Variants in CHEK2 observed in about 807,000 individuals in gnomAD.
The protein encoded by CHEK2 is serine/threonine-protein kinase Chk2.
A neutral mutation model predicts 69.1 loss-of-function variants in CHEK2; 71 were observed. The ratio of observed to expected loss-of-function variants is 1.03; its 90% CI spans 0.85 to 1.25. The LOEUF (loss-of-function observed/expected upper bound fraction) is 1.25, where lower values mean the gene tolerates loss of function less well. Ranked by LOEUF, CHEK2 falls within the 50% of genes most tolerant of loss-of-function variation. The pLI is 0.00. For synonymous variants in CHEK2, 189 were observed against 226.9 expected (o/e 0.83, Z 1.50); for missense variants, 664 against 649.6 (o/e 1.02, Z -0.24).
At chr22:28,708,363 A>ATGTGTGTGGG (rs2053241514) in intron 7 of CHEK2, among the ~76,000 whole-genome samples, 2 of 139,768 alleles carry the variant, frequency 1.4e-5, no homozygotes, top group Admixed American at 1.5e-4. Flanking sequence ...CTCTAAAAAT[A>ATGTGTGTGGG]TGTGTGTGTG....
In CHEK2 at chr22:28,699,882, C is replaced by G. The variant is rs2145843089; in HGVS notation, c.964G>C (p.Ala322Pro). 6.2e-7 allele frequency: 1 copy of G among 1,614,096 alleles called. No homozygotes were observed. Among genetic ancestry groups the G allele is most frequent in the African/African-American group, 1.3e-5 (1 of 75,042 alleles). Residue 322 changes from alanine to proline, a missense_variant, in exon 9 of 15, where the codon GCT (alanine) becomes CCT (proline). By Grantham distance (27) the Ala-to-Pro change is conservative. Transcript: ENST00000404276. ...TGGTAAAAATAGAGCTTGCAGGTAG[C>G]TTCTTTCAGGCGTTTATTCCCCACC... Reference protein sequence around the residue: ...KVVGNKRLKEATCKLYFYQML... With the variant: ...KVVGNKRLKEPTCKLYFYQML...
chr22:28,721,526 A>C (rs2053782188), intron 4 of CHEK2: 3 of 412,370 alleles, frequency 7.3e-6, no homozygotes, highest in South Asian at 5.3e-5. Context: ...ACCTCAGGTG[A>C]TCTGCCAGCC....
intron 5 of CHEK2, among the ~76,000 whole-genome samples, chr22:28,712,896 C>T (rs1325264118): frequency 2.0e-5 from 3 of 152,184 alleles, no homozygotes; most frequent in African/African-American, 7.2e-5. Flanking sequence ...CTACAACCAT[C>T]AGCATCTAAT....
chr22:28,721,210 A>G (rs1019536535), intron 4 of CHEK2, among the ~76,000 whole-genome samples: 1 of 151,794 alleles, frequency 6.6e-6, no homozygotes, highest in Non-Finnish European at 1.5e-5. Flanking sequence ...TAGAGAAAAC[A>G]GAGATTTATT....
chr22:28,712,953 G>A (rs1218941736), intron 5 of CHEK2, among the ~76,000 whole-genome samples: 2 of 152,136 alleles, frequency 1.3e-5, no homozygotes, highest in African/African-American at 4.8e-5. Context: ...TACCTGTTAA[G>A]CAATTAAGCA....
At chr22:28,710,280 C>G (rs1386718170) in intron 6 of CHEK2, among the ~76,000 whole-genome samples, 1 of 152,124 alleles carries the variant, frequency 6.6e-6, no homozygotes, top group East Asian at 1.9e-4. Context: ...TGGCCAGGCC[C>G]TGTGCCAAGC....
rs200869651 is a variant in CHEK2 at position 28,708,361 on chromosome 22, A to ATGTGTGTGTGTGTG, written c.846+1644_846+1645insCACACACACACACA. Among the ~76,000 whole-genome samples the ATGTGTGTGTGTGTG allele has an allele frequency of 6.4e-3, 671 of 104,406 alleles. 8 individuals carry two copies. Among genetic ancestry groups the ATGTGTGTGTGTGTG allele is most frequent in the South Asian group, 0.025 (89 of 3,526 alleles). 68.5% of individuals were successfully genotyped at this position (104,406 alleles called of 152,430 possible). ...TAACAGAGACAGACTGTCTCTAAAA[A>ATGTGTGTGTGTGTG]TATGTGTGTGTGTGTGTGTGTGTGT... On this transcript the variant is annotated intron_variant, in intron 7 of 14. Coordinates refer to ENST00000404276, the MANE Select transcript of CHEK2 (RefSeq NM_007194.4).
At chr22:28,716,458 A>C (rs1174892190) in intron 5 of CHEK2, among the ~76,000 whole-genome samples, 1 of 152,044 alleles carries the variant, frequency 6.6e-6, no homozygotes, top group Non-Finnish European at 1.5e-5. Context: ...CAGCCTCCCA[A>C]AGTGCTAGGA....
At chr22:28,700,538 C>T (rs1015319862) in intron 8 of CHEK2, among the ~76,000 whole-genome samples, 1 of 151,996 alleles carries the variant, frequency 6.6e-6, no homozygotes, top group African/African-American at 2.4e-5. Context: ...TTTTATCACA[C>T]ACCACAGATG....
intron 11 of CHEK2, among the ~76,000 whole-genome samples, chr22:28,695,454 C>T (rs375668299): frequency 1.3e-5 from 2 of 152,096 alleles, no homozygotes; most frequent in Non-Finnish European, 2.9e-5. Context: ...CCCAGGAGTT[C>T]GAGACCAGCC....
chr22:28,733,676 T>C lies in CHEK2; in HGVS notation c.319+727A>G, dbSNP rs543029675. Among the ~76,000 whole-genome samples, 4 of 152,230 alleles carry C rather than the reference T, an allele frequency of 2.6e-5. No homozygotes were observed. The East Asian group carries it at 7.7e-4, about 29-fold the overall frequency. On this transcript the variant is annotated intron_variant, in intron 2 of 14. Coordinates refer to ENST00000404276, the MANE Select transcript of CHEK2 (RefSeq NM_007194.4). ...GCTCATGCCTGTAATCCCAACACTTTGGGAGGCCGAAGCAGGAGGATCACT... is the reference window on the plus strand; with the variant it reads ...GCTCATGCCTGTAATCCCAACACTTCGGGAGGCCGAAGCAGGAGGATCACT...
intron 2 of CHEK2, chr22:28,730,391 A>G: frequency 1.8e-6 from 1 of 557,218 alleles, no homozygotes; most frequent in Non-Finnish European, 3.3e-6. Flanking sequence ...GAGAAAGGGA[A>G]AGGGAAAGAC....
intron 2 of CHEK2, among the ~76,000 whole-genome samples, chr22:28,734,002 G>C (rs1478714758): frequency 6.6e-6 from 1 of 151,856 alleles, no homozygotes; most frequent in Non-Finnish European, 1.5e-5. Context: ...GTCCATTCTA[G>C]GACCTTCATT....
chr22:28,700,830 C>T (rs550720395), intron 8 of CHEK2, among the ~76,000 whole-genome samples: 1 of 152,244 alleles, frequency 6.6e-6, no homozygotes, highest in African/African-American at 2.4e-5. Flanking sequence ...GCTCTTATTG[C>T]CCAGGCTGGA....
chr22:28,741,804 G>A lies in CHEK2; in HGVS notation c.-42C>T. On this transcript the variant is annotated 5_prime_UTR_variant, in exon 1 of 15. Coordinates refer to ENST00000404276, the MANE Select transcript of CHEK2 (RefSeq NM_007194.4). Reference sequence around the variant, plus strand: ...CACCTGGAGCCGCACACTCTCCGCAGCCTCAGCCAGCAGAGTGGCGCTAAA... The same window carrying A: ...CACCTGGAGCCGCACACTCTCCGCAACCTCAGCCAGCAGAGTGGCGCTAAA... The A allele has an allele frequency of 1.9e-6, 1 of 515,610 alleles. No homozygotes were observed. The highest frequency in any genetic ancestry group is 1.9e-5 in the African/African-American group (1 of 52,328). The allele number at this position is 515,610 out of a possible 1,614,324, so 31.9% of individuals were successfully genotyped here.
At chr22:28,740,201 A>C (rs2054516947) in intron 1 of CHEK2, among the ~76,000 whole-genome samples, 1 of 152,212 alleles carries the variant, frequency 6.6e-6, no homozygotes, top group South Asian at 2.1e-4. Context: ...CTCTGTCTCA[A>C]AAAAAACACT....
chr22:28,702,737 G>A (rs1351719381), intron 8 of CHEK2, among the ~76,000 whole-genome samples: 1 of 151,048 alleles, frequency 6.6e-6, no homozygotes. Flanking sequence ...AGTAGAGATG[G>A]GGTTTCATCA....
intron 9 of CHEK2, among the ~76,000 whole-genome samples, chr22:28,697,481 CTT>C: frequency 6.6e-6 from 1 of 152,090 alleles, no homozygotes; most frequent in South Asian, 2.1e-4. Context: ...AATGCAAAGA[CTT>C]TGTCTTTGAA....
chr22:28,733,410 T>C (rs2054275455), intron 2 of CHEK2, among the ~76,000 whole-genome samples: 1 of 152,172 alleles, frequency 6.6e-6, no homozygotes, highest in African/African-American at 2.4e-5. Context: ...GACAGCACAT[T>C]GTAAATGTCC....
Sources: allele counts gnomAD v4.1 joint callset (sites outside exome capture counted in the v4.1 genomes callset), GRCh38; gene constraint gnomAD v4.1.1; transcripts MANE v1.5; gene names NCBI Gene and HGNC (gene_info 2026-07-23, HGNC 2026-07-21).